Variants in METAP2 observed in about 807,000 individuals in gnomAD.
The protein encoded by METAP2 is methionyl aminopeptidase 2.
METAP2 carries 25 observed loss-of-function variants against 59.4 expected under a neutral mutation model. The ratio of observed to expected loss-of-function variants is 0.42; its 90% CI spans 0.31 to 0.59. The LOEUF (loss-of-function observed/expected upper bound fraction) is 0.59, where lower values mean the gene tolerates loss of function less well. METAP2 is among the 20% of genes least tolerant of loss of function. METAP2 has a pLI of 0.16. For synonymous variants in METAP2, 214 were observed against 194.1 expected, an observed-to-expected ratio of 1.10 and a Z score of -0.85; for missense variants, 366 against 581.2, an observed-to-expected ratio of 0.63 and a Z score of 3.81.
Position 95,506,296 on chromosome 12 carries a change from CTT to C in METAP2, c.964+2152_964+2153del, listed in dbSNP as rs59794359. Among the ~76,000 whole-genome samples the C allele has an allele frequency of 1.0e-3, 122 of 119,700 alleles. 1 individual carries two copies. Among genetic ancestry groups the C allele is most frequent in the African/African-American group, 3.3e-3 (107 of 32,314 alleles). The allele number at this position is 119,700 out of a possible 152,430, so 78.5% of individuals were successfully genotyped here. On this transcript the variant is annotated intron_variant, in intron 8 of 10. Transcript: ENST00000323666. Reference sequence around the variant, plus strand: ...TTTATTTTTATTTCTAATATATATGCTTTTTTTTTTTTTTTTTTGAGACGCAA... The same window carrying C: ...TTTATTTTTATTTCTAATATATATGCTTTTTTTTTTTTTTTTGAGACGCAA...
chr12:95,504,284 G>A (rs1257172968), intron 8 of METAP2, 123 bp downstream of exon 8: 1 of 655,082 alleles, frequency 1.5e-6, no homozygotes, highest in African/African-American at 1.8e-5. Context: ...GACGGGAAAT[G>A]ACCTGCTTAG....
chr12:95,477,657 T>C (rs11108068), intron 2 of METAP2, among the ~76,000 whole-genome samples: 7,250 of 152,290 alleles, frequency 0.048, 239 homozygotes, highest in Non-Finnish European at 0.07. Context: ...TGTAGCTGCC[T>C]ACTACTGAGA....
At chr12:95,491,107 G>T (rs2076235005) in intron 4 of METAP2, among the ~76,000 whole-genome samples, 1 of 147,944 alleles carries the variant, frequency 6.8e-6, no homozygotes, top group Non-Finnish European at 1.5e-5. Flanking sequence ...TTCTTTTAAA[G>T]GTACTTTTTG....
chr12:95,502,055 C>T (rs1030666149), intron 7 of METAP2, among the ~76,000 whole-genome samples: 8 of 148,420 alleles, frequency 5.4e-5, no homozygotes, highest in African/African-American at 7.5e-5. Context: ...CAGGCTGGAG[C>T]GCAGTGGTAT....
intron 10 of METAP2, 112 bp downstream of exon 10, chr12:95,513,028 T>A (rs1375579681): frequency 1.6e-6 from 1 of 614,428 alleles, no homozygotes; most frequent in African/African-American, 1.9e-5. Context: ...GAATGTAGAG[T>A]TCTGTAGCCC....
Position 95,494,157 on chromosome 12 carries a change from G to A in METAP2, c.530G>A (p.Arg177Gln). 2 of 1,613,996 alleles carry A rather than the reference G, an allele frequency of 1.2e-6. No individual in the cohort carries two copies. Among genetic ancestry groups the A allele is most frequent in the Non-Finnish European group, 1.7e-6 (2 of 1,179,942 alleles). ...NDFREAAEAHRQVRKYVMSWI... is the reference protein window; with the variant it reads ...NDFREAAEAHQQVRKYVMSWI... Reference sequence around the variant, plus strand: ...TTTCGAGAAGCTGCAGAAGCACATCGACAAGTTAGAAAATACGTAATGAGC... The same window carrying A: ...TTTCGAGAAGCTGCAGAAGCACATCAACAAGTTAGAAAATACGTAATGAGC... The change falls in exon 5 of 11, where the codon CGA (arginine) becomes CAA (glutamine). Residue 177 changes from arginine (R) to glutamine (Q), a missense_variant. Around this residue, in one of 4 missense-constraint regions of METAP2, gnomAD observed 106 missense variants for 221.9 expected, o/e 0.48. Transcript: ENST00000323666.
chr12:95,474,153 T>G lies in METAP2; in HGVS notation c.-27T>G. 1 of 1,611,898 alleles carries G rather than the reference T, an allele frequency of 6.2e-7. No individual in the cohort carries two copies. Among genetic ancestry groups the G allele is most frequent in the Non-Finnish European group, 8.5e-7 (1 of 1,179,110 alleles). ...GGATCGGGGCCCTCGCCGCTCTGTC[T>G]CATTCCCTCGCGCTCTCTCGGGCAA... On this transcript the variant is annotated 5_prime_UTR_variant, in exon 1 of 11. Coordinates refer to ENST00000323666, the MANE Select transcript of METAP2 (RefSeq NM_006838.4).
intron 7 of METAP2, among the ~76,000 whole-genome samples, chr12:95,496,364 AG>A (rs2076275478): frequency 1.3e-5 from 2 of 152,114 alleles, no homozygotes; most frequent in African/African-American, 4.8e-5. Context: ...TTTGCCTGTC[AG>A]TTGGCAGTGG....
At chr12:95,513,018 GAATGTAGAGTTCTGTAGCCCAAC>G in intron 10 of METAP2, 102 bp downstream of exon 10, 1 of 576,702 alleles carries the variant, frequency 1.7e-6, no homozygotes, top group Middle Eastern at 3.0e-4. Flanking sequence ...GTATATTCAT[GAATGTAGAGTTCTGTAGCCCAAC>G]AATAAGAAAA....
intron 2 of METAP2, among the ~76,000 whole-genome samples, chr12:95,481,211 G>C (rs894916537): frequency 3.3e-5 from 5 of 152,142 alleles, no homozygotes; most frequent in Non-Finnish European, 7.3e-5. Flanking sequence ...GATGCGATTC[G>C]AGACCAGTCT....
In METAP2 at chr12:95,515,177, G is replaced by A. The variant is rs200325062; in HGVS notation, c.*1273G>A. ...CTGTTTAGTTTGTATTTTGTTGAAC[G>A]TTTTTATCCTAGGAAGAGAAACCTA... On this transcript the variant is annotated 3_prime_UTR_variant, in exon 11 of 11. Coordinates refer to ENST00000323666, the MANE Select transcript of METAP2 (RefSeq NM_006838.4). The A allele has an allele frequency of 4.6e-5, 7 of 152,554 alleles. No homozygotes were observed. The highest frequency in any genetic ancestry group is 8.8e-5 in the Non-Finnish European group (6 of 68,020). 9.5% of individuals were successfully genotyped at this position (152,554 alleles called of 1,614,324 possible). A position where few individuals can be genotyped will look rare whatever the true frequency, so the allele number is the denominator to read the frequency against.
chr12:95,501,209 G>A (rs933591162), intron 7 of METAP2, among the ~76,000 whole-genome samples: 35 of 151,912 alleles, frequency 2.3e-4, no homozygotes, highest in African/African-American at 7.0e-4. Flanking sequence ...TAAATTTTTT[G>A]TAGATACAGG....
chr12:95,480,026 A>T (rs2076147508), intron 2 of METAP2, among the ~76,000 whole-genome samples: 1 of 152,202 alleles, frequency 6.6e-6, no homozygotes, highest in Non-Finnish European at 1.5e-5. Flanking sequence ...CCATCTCCAG[A>T]AAAAAGTTGT....
chr12:95,499,570 AT>A (rs146566967), intron 7 of METAP2, among the ~76,000 whole-genome samples: 7 of 147,154 alleles, frequency 4.8e-5, no homozygotes, highest in Admixed American at 2.8e-4. Context: ...CGAATTTAGG[AT>A]TTTTTTTTTC....
intron 2 of METAP2, chr12:95,482,038 T>A: frequency 2.7e-6 from 1 of 377,294 alleles, no homozygotes; most frequent in Admixed American, 3.0e-5. Flanking sequence ...AGATTATAAT[T>A]TTTCGTGTGC....
At chr12:95,499,087 G>A (rs2076297353) in intron 7 of METAP2, among the ~76,000 whole-genome samples, 1 of 151,730 alleles carries the variant, frequency 6.6e-6, no homozygotes, top group Admixed American at 6.6e-5. Context: ...TTATTGTATT[G>A]GTTTATATGT....
rs1016563523 is a variant in METAP2 at position 95,511,905 on chromosome 12, C to T, written c.975C>T (p.Ile325=). The change falls in exon 9 of 11, where the codon ATC becomes ATT. Residue 325 remains isoleucine, a synonymous_variant. Transcript: ENST00000323666. ...IDGKTYQVKP[I]RNLNGHSIGQ... The stretch of plus-strand genomic sequence containing the variant: ...TATTTTTTATAACAGTGAAACCAAT[C>T]CGTAATCTAAATGGACATTCAATTG... 10 of 1,606,970 alleles carry T rather than the reference C, an allele frequency of 6.2e-6. No individual in the cohort carries two copies. Among genetic ancestry groups the T allele is most frequent in the Non-Finnish European group, 7.7e-6 (9 of 1,176,002 alleles).
At position 95,512,928 on chromosome 12, in the gene METAP2, G is replaced by C. The variant is rs1594442209; in HGVS notation, c.1184+12G>C. 1 of 1,488,516 alleles carries C rather than the reference G, an allele frequency of 6.7e-7. No individual in the cohort carries two copies. The highest frequency in any genetic ancestry group is 9.4e-7 in the Non-Finnish European group (1 of 1,069,238). The allele number at this position is 1,488,516 out of a possible 1,614,324, so 92.2% of individuals were successfully genotyped here. A position where few individuals can be genotyped will look rare whatever the true frequency, so the allele number is the denominator to read the frequency against. Reference sequence around the variant, plus strand: ...CATGTGCCAATAAGGTGAGAGACGAGACGATTGATTTTATGTGGCTAATTA... The same window carrying C: ...CATGTGCCAATAAGGTGAGAGACGACACGATTGATTTTATGTGGCTAATTA... On this transcript the variant is annotated intron_variant, in intron 10 of 10. Coordinates refer to ENST00000323666, the MANE Select transcript of METAP2 (RefSeq NM_006838.4).
intron 5 of METAP2, among the ~76,000 whole-genome samples, chr12:95,494,442 T>C (rs923672101): frequency 6.6e-6 from 1 of 152,214 alleles, no homozygotes; most frequent in Non-Finnish European, 1.5e-5. Context: ...CATTACTGAT[T>C]GTTATTTTCT....
Sources: allele counts gnomAD v4.1 joint callset (sites outside exome capture counted in the v4.1 genomes callset), GRCh38; gene constraint gnomAD v4.1.1; regional missense constraint gnomAD v4.1.1; transcripts MANE v1.5; gene names NCBI Gene and HGNC (gene_info 2026-07-23, HGNC 2026-07-21).